Variants in ZDHHC23 observed in about 807,000 individuals in gnomAD.
ZDHHC23 encodes zDHHC palmitoyltransferase 23, also known as palmitoyltransferase ZDHHC23.
A neutral mutation model predicts 40.2 loss-of-function variants in ZDHHC23; 41 were observed. That is an observed-to-expected ratio of 1.02 (90% CI 0.79 to 1.32). The LOEUF (loss-of-function observed/expected upper bound fraction) is 1.32, where lower values mean the gene tolerates loss of function less well. Among genes scored for constraint, ZDHHC23 ranks in the 40% most tolerant of loss-of-function variants. The probability of loss-of-function intolerance (pLI) is 0.00; values close to 1 mark genes in which losing one functional copy is unlikely to be tolerated. For synonymous variants in ZDHHC23, 204 were observed against 210.2 expected (o/e 0.97, Z 0.26); for missense variants, 471 against 541.5 (o/e 0.87, Z 1.29).
chr3:113,967,947 G>T (rs1394921409), downstream of ZDHHC23, among the ~76,000 whole-genome samples: 2 of 152,144 alleles, frequency 1.3e-5, no homozygotes, highest in Non-Finnish European at 2.9e-5. Context: ...TTCTATCCAT[G>T]TTGCTGCAAA....
Position 113,962,557 on chromosome 3 carries a change from T to C in ZDHHC23, c.*3927T>C, listed in dbSNP as rs916588108. The C allele has an allele frequency of 1.3e-5, 2 of 152,228 alleles. No individual in the cohort carries two copies. Among genetic ancestry groups the C allele is most frequent in the Non-Finnish European group, 2.9e-5 (2 of 68,040 alleles). 9.4% of individuals were successfully genotyped at this position (152,228 alleles called of 1,614,324 possible). ...ACTGATGCAACTAAAATTCTGTATTTCTTAAGATGGAGCCACTGACGAGAT... is the reference window on the plus strand; with the variant it reads ...ACTGATGCAACTAAAATTCTGTATTCCTTAAGATGGAGCCACTGACGAGAT... On this transcript the variant is annotated 3_prime_UTR_variant, in exon 5 of 5. Transcript: ENST00000638807.
At chr3:113,955,381 TGTGTGTGTGTGC>T (rs1302656149) in intron 3 of ZDHHC23, among the ~76,000 whole-genome samples, 87 of 148,434 alleles carry the variant, frequency 5.9e-4, no homozygotes, top group African/African-American at 2.2e-3. Context: ...TGTGTGTGTG[TGTGTGTGTGTGC>T]GTGTGTGTTC....
At position 113,953,703 on chromosome 3, in the gene ZDHHC23, G is replaced by A; in HGVS notation, c.165G>A (p.Trp55Ter). ...TCTTTGTGCTTTTTCTGAATAGATG[G>A]ATTACATGTAAATCTTTACAGCCAG... is the stretch of plus-strand genomic sequence containing the variant. ...CQDLDEGCDRWITCKSLQPET... is the reference protein window; with the variant it reads ...CQDLDEGCDR Residue 55 changes from tryptophan to a stop codon, truncating the protein, a stop_gained, in exon 3 of 5, where the codon TGG becomes TGA. Transcript: ENST00000638807. LOFTEE classifies it high-confidence loss of function. The A allele has an allele frequency of 6.2e-7, 1 of 1,610,924 alleles. No individual in the cohort carries two copies. The highest frequency in any genetic ancestry group is 8.5e-7 in the Non-Finnish European group (1 of 1,178,128).
chr3:113,966,533 C>T (rs1261321359), downstream of ZDHHC23, among the ~76,000 whole-genome samples: 1 of 152,068 alleles, frequency 6.6e-6, no homozygotes, highest in Non-Finnish European at 1.5e-5. Flanking sequence ...TTTTGTCAGG[C>T]AAAGAAAAGG....
At position 113,953,979 on chromosome 3, in the gene ZDHHC23, C is replaced by T; in HGVS notation, c.441C>T (p.Phe147=). ...TGTTTTTCCTGAGCCTTGGACTGTT[C>T]TCTCTGGGCTACATGTACTATGTGT... ...QTLFFLSLGL[F]SLGYMYYVFL... Residue 147 remains phenylalanine (F), a synonymous_variant, in exon 3 of 5, where the codon TTC becomes TTT. Coordinates refer to ENST00000638807, the MANE Select transcript of ZDHHC23 (RefSeq NM_001320466.2). 2 of 1,614,168 alleles carry T rather than the reference C, an allele frequency of 1.2e-6. No individual in the cohort carries two copies. Among genetic ancestry groups the T allele is most frequent in the Non-Finnish European group, 1.7e-6 (2 of 1,180,036 alleles).
Position 113,959,059 on chromosome 3 carries a change from A to T in ZDHHC23, c.*429A>T. Reference sequence around the variant, plus strand: ...GGGTCATCTGCAAAGTGGGGTACTGATGCCTGCCCTGGCTACCTCACAGAG... The same window carrying T: ...GGGTCATCTGCAAAGTGGGGTACTGTTGCCTGCCCTGGCTACCTCACAGAG... On this transcript the variant is annotated 3_prime_UTR_variant, in exon 5 of 5. Coordinates refer to ENST00000638807, the MANE Select transcript of ZDHHC23 (RefSeq NM_001320466.2). 1.0e-6 allele frequency: 1 copy of T among 970,244 alleles called. No individual in the cohort carries two copies. Among genetic ancestry groups the T allele is most frequent in the East Asian group, 6.3e-5 (1 of 15,764 alleles). The allele number at this position is 970,244 out of a possible 1,614,324, so 60.1% of individuals were successfully genotyped here.
chr3:113,961,721 C>T lies in ZDHHC23; in HGVS notation c.*3091C>T, dbSNP rs900003754. On this transcript the variant is annotated 3_prime_UTR_variant, in exon 5 of 5. Transcript: ENST00000638807. ...CTAGCAAAAAATTGCTACAAACTTTCTCTTATGCAATAGTCCTTGGTACTT... is the reference window on the plus strand; with the variant it reads ...CTAGCAAAAAATTGCTACAAACTTTTTCTTATGCAATAGTCCTTGGTACTT... The T allele has an allele frequency of 2.0e-5, 3 of 152,646 alleles. No individual in the cohort carries two copies. The highest frequency in any genetic ancestry group is 2.9e-5 in the Non-Finnish European group (2 of 68,032). The allele number at this position is 152,646 out of a possible 1,614,324, so 9.5% of individuals were successfully genotyped here. A position where few individuals can be genotyped will look rare whatever the true frequency, so the allele number is the denominator to read the frequency against.
At chr3:113,957,057 T>A (rs1939296390) in intron 4 of ZDHHC23, among the ~76,000 whole-genome samples, 2 of 152,228 alleles carry the variant, frequency 1.3e-5, no homozygotes, top group African/African-American at 4.8e-5. Context: ...ATTACTGTGA[T>A]ATGTAGGTCA....
chr3:113,956,582 T>A, intron 4 of ZDHHC23, 76 bp downstream of exon 4: 1 of 1,444,364 alleles, frequency 6.9e-7, no homozygotes, highest in Non-Finnish European at 9.3e-7. Flanking sequence ...CTATTACTAC[T>A]TGGTTAGGAG....
Position 113,959,395 on chromosome 3 carries a change from A to T in ZDHHC23, c.*765A>T. The T allele has an allele frequency of 8.4e-7, 1 of 1,187,478 alleles. No homozygotes were observed. Among genetic ancestry groups the T allele is most frequent in the Non-Finnish European group, 1.1e-6 (1 of 924,256 alleles). 73.6% of individuals were successfully genotyped at this position (1,187,478 alleles called of 1,614,324 possible). A position where few individuals can be genotyped will look rare whatever the true frequency, so the allele number is the denominator to read the frequency against. ...TTATAAAGATAATTATTGCTAGTGT[A>T]ATGTAGTGTGGCCATGAGTTTAGGT... On this transcript the variant is annotated 3_prime_UTR_variant, in exon 5 of 5. Transcript: ENST00000638807.
intron 3 of ZDHHC23, 40 bp from the exon 4 acceptor site, chr3:113,956,299 A>C (rs374745212): frequency 3.7e-4 from 587 of 1,587,762 alleles, no homozygotes; most frequent in Non-Finnish European, 4.2e-4. Context: ...AGAACTCTTA[A>C]AAATGTGTTT....
chr3:113,959,852 G>A lies in ZDHHC23; in HGVS notation c.*1222G>A. 9.9e-7 allele frequency: 1 copy of A among 1,008,166 alleles called. No individual in the cohort carries two copies. Among genetic ancestry groups the A allele is most frequent in the Non-Finnish European group, 1.2e-6 (1 of 841,324 alleles). The allele number at this position is 1,008,166 out of a possible 1,614,324, so 62.5% of individuals were successfully genotyped here. On this transcript the variant is annotated 3_prime_UTR_variant, in exon 5 of 5. Coordinates refer to ENST00000638807, the MANE Select transcript of ZDHHC23 (RefSeq NM_001320466.2). Reference sequence around the variant, plus strand: ...TGGTTTCCACTATTAATGGATTACTGTTCTTCCCTGGCTCTTCCGACAATA... The same window carrying A: ...TGGTTTCCACTATTAATGGATTACTATTCTTCCCTGGCTCTTCCGACAATA...
At position 113,959,200 on chromosome 3, in the gene ZDHHC23, G is replaced by A. The variant is rs1939510233; in HGVS notation, c.*570G>A. 1.9e-6 allele frequency: 2 copies of A among 1,069,578 alleles called. No individual in the cohort carries two copies. The highest frequency in any genetic ancestry group is 3.3e-5 in the African/African-American group (2 of 61,136). 66.3% of individuals were successfully genotyped at this position (1,069,578 alleles called of 1,614,324 possible). ...TTATGATGGAAGAAAAACGTTTATAGTCTAGAATATTGAAGCCAATATTAT... is the reference window on the plus strand; with the variant it reads ...TTATGATGGAAGAAAAACGTTTATAATCTAGAATATTGAAGCCAATATTAT... On this transcript the variant is annotated 3_prime_UTR_variant, in exon 5 of 5. Transcript: ENST00000638807.
rs1352269800 is a variant in ZDHHC23 at position 113,961,482 on chromosome 3, G to C, written c.*2852G>C. On this transcript the variant is annotated 3_prime_UTR_variant, in exon 5 of 5. Transcript: ENST00000638807. ...ACGGAGCACTTTTATGGTTCCAGCC[G>C]AGCGTTCCTGAAATGAACTGACCAT... 1 of 152,618 alleles carries C rather than the reference G, an allele frequency of 6.6e-6. No homozygotes were observed. Among genetic ancestry groups the C allele is most frequent in the East Asian group, 1.9e-4 (1 of 5,200 alleles). The allele number at this position is 152,618 out of a possible 1,614,324, so 9.5% of individuals were successfully genotyped here. A position where few individuals can be genotyped will look rare whatever the true frequency, so the allele number is the denominator to read the frequency against.
At chr3:113,965,856 A>T (rs934657483), downstream of ZDHHC23, among the ~76,000 whole-genome samples, 1 of 152,138 alleles carries the variant, frequency 6.6e-6, no homozygotes, top group Admixed American at 6.5e-5. Flanking sequence ...TGGCCTCCCA[A>T]AGTGCTGGGA....
At chr3:113,973,970 CT>C in the ZDHHC23 span, among the ~76,000 whole-genome samples, 1 of 150,224 alleles carries the variant, frequency 6.7e-6, no homozygotes, top group Admixed American at 6.7e-5. Flanking sequence ...GTCTTCATTC[CT>C]TTTCTTTTTT....
At chr3:113,955,488 G>A (rs1939127985) in intron 3 of ZDHHC23, among the ~76,000 whole-genome samples, 2 of 151,952 alleles carry the variant, frequency 1.3e-5, no homozygotes, top group South Asian at 4.2e-4. Context: ...TGGGTAGAAG[G>A]CACTCCCTCT....
the ZDHHC23 span, among the ~76,000 whole-genome samples, chr3:113,973,957 G>GCTGT: frequency 4.0e-5 from 6 of 150,556 alleles, no homozygotes; most frequent in Non-Finnish European, 7.4e-5. Context: ...TATCTTGTAG[G>GCTGT]CTGTCTTCAT....
chr3:113,967,295 A>G (rs376580874), downstream of ZDHHC23, among the ~76,000 whole-genome samples: 180 of 152,142 alleles, frequency 1.2e-3, no homozygotes, highest in African/African-American at 4.0e-3. Context: ...TGACGTCTGC[A>G]TTTTAGCTCC....
Sources: allele counts gnomAD v4.1 joint callset (sites outside exome capture counted in the v4.1 genomes callset), GRCh38; gene constraint gnomAD v4.1.1; transcripts MANE v1.5; gene names NCBI Gene and HGNC (gene_info 2026-07-23, HGNC 2026-07-21).